Variants in FRMD6 observed in about 807,000 individuals in gnomAD.
The protein encoded by FRMD6 is FERM domain containing 6, also known as FERM domain-containing protein 6.
FRMD6 carries 37 observed loss-of-function variants against 73.2 expected under a neutral mutation model. The ratio of observed to expected loss-of-function variants is 0.51; its 90% CI spans 0.39 to 0.66. The LOEUF (loss-of-function observed/expected upper bound fraction) is 0.66. Among genes scored for constraint, FRMD6 ranks in the 30% least tolerant of loss-of-function variants. FRMD6 has a pLI of 0.00. For synonymous variants in FRMD6, 273 were observed against 282.2 expected (o/e 0.97, Z 0.33); for missense variants, 714 against 780.5 (o/e 0.91, Z 1.02).
intron 7 of FRMD6, 58 bp downstream of exon 7, chr14:51,708,291 T>C: frequency 3.4e-6 from 5 of 1,476,604 alleles, no homozygotes; most frequent in Non-Finnish European, 4.6e-6. Context: ...CTCAATAGGA[T>C]TGAGAAGGAA....
intron 2 of FRMD6, among the ~76,000 whole-genome samples, chr14:51,605,770 T>C (rs1421465240): frequency 2.6e-5 from 4 of 152,178 alleles, no homozygotes; most frequent in African/African-American, 9.7e-5. Context: ...GCTATACATT[T>C]TGAGACCTGT....
At chr14:51,670,945 C>A (rs565499250) in intron 1 of FRMD6, among the ~76,000 whole-genome samples, 1 of 152,160 alleles carries the variant, frequency 6.6e-6, no homozygotes, top group Non-Finnish European at 1.5e-5. Flanking sequence ...CCGTGCCCGG[C>A]GGTTTGTATG....
At chr14:51,645,457 G>A (rs1213302813) in intron 2 of FRMD6, among the ~76,000 whole-genome samples, 1 of 151,918 alleles carries the variant, frequency 6.6e-6, no homozygotes. Flanking sequence ...TTGAGACAGT[G>A]TCTTACTCTG....
rs777525494 is a variant in FRMD6 at position 51,711,643 on chromosome 14, T to C, written c.780+47T>C. ...CAAATGCTGTCAGCCATGTCTTCTG[T>C]TTACAGCATGCCTCTGTGGTCCTGC... On this transcript the variant is annotated intron_variant, in intron 8 of 13. Transcript: ENST00000344768. 9 of 1,348,214 alleles carry C rather than the reference T, an allele frequency of 6.7e-6. No homozygotes were observed. The South Asian group carries it at 1.1e-4, about 16-fold the overall frequency. The allele number at this position is 1,348,214 out of a possible 1,614,324, so 83.5% of individuals were successfully genotyped here. A position where few individuals can be genotyped will look rare whatever the true frequency, so the allele number is the denominator to read the frequency against.
intron 2 of FRMD6, among the ~76,000 whole-genome samples, chr14:51,632,136 T>C (rs1457239700): frequency 6.6e-6 from 1 of 152,190 alleles, no homozygotes; most frequent in Non-Finnish European, 1.5e-5. Flanking sequence ...TTGGTTCTCA[T>C]GCTTCTCCTT....
At position 51,708,086 on chromosome 14, in the gene FRMD6, C is replaced by T; in HGVS notation, c.567C>T (p.Ser189=). The change falls in exon 7 of 14, where the codon TCC becomes TCT. Residue 189 remains serine (S), a synonymous_variant. Coordinates refer to ENST00000344768, the MANE Select transcript of FRMD6 (RefSeq NM_001267046.2). ...PEAYFPSWVV[S]KRGKDYILKH... ...CCCTTGTATCCCAACAGGTTGTTTCCAAGAGGGGGAAGGACTACATCCTGA... is the reference window on the plus strand; with the variant it reads ...CCCTTGTATCCCAACAGGTTGTTTCTAAGAGGGGGAAGGACTACATCCTGA... 6.2e-7 allele frequency: 1 copy of T among 1,612,858 alleles called. No homozygotes were observed. The highest frequency in any genetic ancestry group is 8.5e-7 in the Non-Finnish European group (1 of 1,179,282).
At chr14:51,683,989 G>C (rs1363889981) in intron 1 of FRMD6, among the ~76,000 whole-genome samples, 1 of 152,134 alleles carries the variant, frequency 6.6e-6, no homozygotes, top group Non-Finnish European at 1.5e-5. Flanking sequence ...TCTTTCCAGA[G>C]TATTTGGCTC....
At chr14:51,612,623 C>CTAAG (rs900057069) in intron 2 of FRMD6, among the ~76,000 whole-genome samples, 3 of 152,176 alleles carry the variant, frequency 2.0e-5, no homozygotes, top group African/African-American at 7.2e-5. Context: ...CAGGCACTCA[C>CTAAG]TAAGTGATGA....
At chr14:51,719,778 A>G (rs1398392107) in intron 10 of FRMD6, among the ~76,000 whole-genome samples, 1 of 152,226 alleles carries the variant, frequency 6.6e-6, no homozygotes, top group Non-Finnish European at 1.5e-5. Context: ...ATTTGCAGAC[A>G]AGAAGTGGTC....
intron 2 of FRMD6, among the ~76,000 whole-genome samples, chr14:51,597,676 A>T (rs1162707872): frequency 6.6e-6 from 1 of 152,236 alleles, no homozygotes. Flanking sequence ...TGAATGAGCT[A>T]ATATATACAA....
chr14:51,428,206 T>G, the FRMD6 span, among the ~76,000 whole-genome samples: 2 of 152,206 alleles, frequency 1.3e-5, no homozygotes, highest in Non-Finnish European at 2.9e-5. Flanking sequence ...AGGTCAGTGA[T>G]TCCAACCCTG....
chr14:51,417,252 G>T, the FRMD6 span, among the ~76,000 whole-genome samples: 1 of 152,116 alleles, frequency 6.6e-6, no homozygotes, highest in African/African-American at 2.4e-5. Flanking sequence ...TAGCATCAGT[G>T]GTCTTTACAA....
chr14:51,457,314 C>T, the FRMD6 span, among the ~76,000 whole-genome samples: 1 of 150,764 alleles, frequency 6.6e-6, no homozygotes, highest in African/African-American at 2.4e-5. Context: ...TAGGCAATAA[C>T]AAATAAAAGC....
At chr14:51,667,956 A>C (rs893710669) in intron 1 of FRMD6, among the ~76,000 whole-genome samples, 6 of 152,210 alleles carry the variant, frequency 3.9e-5, no homozygotes, top group African/African-American at 1.2e-4. Context: ...GTAAAGAGAA[A>C]TTTTCATGAA....
the FRMD6 span, among the ~76,000 whole-genome samples, chr14:51,464,275 G>C: frequency 6.6e-6 from 1 of 152,122 alleles, no homozygotes; most frequent in African/African-American, 2.4e-5. Flanking sequence ...AGAGCTAATG[G>C]GTGCTGGGCT....
intron 2 of FRMD6, among the ~76,000 whole-genome samples, chr14:51,605,364 A>G (rs112076067): frequency 0.026 from 3,943 of 152,216 alleles, 64 homozygotes; most frequent in Middle Eastern, 0.12. Context: ...GCCTTCAAGC[A>G]TCTGTTTAAC....
chr14:51,603,935 CTT>C (rs1385371891), intron 2 of FRMD6, among the ~76,000 whole-genome samples: 1 of 97,372 alleles, frequency 1.0e-5, no homozygotes, highest in East Asian at 2.8e-4. Flanking sequence ...GGTAATTTCT[CTT>C]GTGATACAAA....
At chr14:51,557,936 C>T (rs542660212) in intron 1 of FRMD6, among the ~76,000 whole-genome samples, 2 of 149,936 alleles carry the variant, frequency 1.3e-5, no homozygotes, top group Admixed American at 6.7e-5. Context: ...AACAAACCTG[C>T]ATGTGTGTAC....
intron 2 of FRMD6, among the ~76,000 whole-genome samples, chr14:51,640,029 T>C (rs1891747146): frequency 6.6e-6 from 1 of 152,242 alleles, no homozygotes; most frequent in African/African-American, 2.4e-5. Flanking sequence ...AATTATGTTA[T>C]TCACTAAGAC....
Sources: gnomAD v4.1 joint callset for allele counts (sites outside exome capture counted in the v4.1 genomes callset) on GRCh38, gnomAD v4.1.1 for gene constraint, MANE v1.5 for transcripts, NCBI Gene and HGNC (gene_info 2026-07-23, HGNC 2026-07-21) for gene names.